The following TRIB2 variants were observed in gnomAD, a reference collection of about 807,000 sequenced individuals.
TRIB2 encodes the protein tribbles pseudokinase 2, also known as tribbles homolog 2.
A neutral mutation model predicts 26.8 loss-of-function variants in TRIB2; 2 were observed. That is an observed-to-expected ratio of 0.07 (90% CI 0.03 to 0.24). The LOEUF (loss-of-function observed/expected upper bound fraction) is 0.24. TRIB2 is among the 10% of genes least tolerant of loss of function. The pLI is 1.00. For missense variants in TRIB2, 306 were observed against 449.0 expected, an observed-to-expected ratio of 0.68 and a Z score of 2.88; for synonymous variants, 189 against 187.3, an observed-to-expected ratio of 1.01 and a Z score of -0.08.
At chr2:12,726,964 G>A (rs555743797) in intron 2 of TRIB2, among the ~76,000 whole-genome samples, 35 of 152,296 alleles carry the variant, frequency 2.3e-4, no homozygotes, top group African/African-American at 6.0e-4. Flanking sequence ...AACTGCCAGC[G>A]CCTTCAGTCC....
In TRIB2 at chr2:12,737,951, A is replaced by G. The variant is rs562166994; in HGVS notation, c.564-2375A>G. On this transcript the variant is annotated intron_variant, in intron 2 of 2. Coordinates refer to ENST00000155926, the MANE Select transcript of TRIB2 (RefSeq NM_021643.4). ...GCCATAGCCACACAGCAGGTGAGAG[A>G]CAGAGCCTAGCCTGGAAACTGCCTT... 9.9e-5 allele frequency among the ~76,000 whole-genome samples: 15 copies of G among 152,280 alleles called. 1 individual carries two copies. The highest frequency in any genetic ancestry group is 3.6e-4 in the African/African-American group (15 of 41,552).
chr2:12,724,851 T>A (rs1415218518), intron 2 of TRIB2: 1 of 1,605,156 alleles, frequency 6.2e-7, no homozygotes, highest in African/African-American at 1.3e-5. Flanking sequence ...GATGAATATA[T>A]GTTGACCCCC....
chr2:12,723,661 G>C, intron 2 of TRIB2, 109 bp downstream of exon 2: 1 of 1,335,136 alleles, frequency 7.5e-7, no homozygotes, highest in Non-Finnish European at 1.0e-6. Flanking sequence ...GTCCAGATGA[G>C]GGGAAGGAAT....
intron 1 of TRIB2, among the ~76,000 whole-genome samples, chr2:12,720,515 G>A (rs568350160): frequency 5.3e-5 from 8 of 152,270 alleles, no homozygotes; most frequent in African/African-American, 1.9e-4. Flanking sequence ...AGTTTTATAA[G>A]GCTGCTTCTC....
Position 12,717,032 on chromosome 2 carries a change from C to T in TRIB2, c.-1276C>T, listed in dbSNP as rs1000265700. 3.5e-5 allele frequency: 7 copies of T among 202,382 alleles called. No individual in the cohort carries two copies. The highest frequency in any genetic ancestry group is 2.4e-4 in the Admixed American group (4 of 16,714). 12.5% of individuals were successfully genotyped at this position (202,382 alleles called of 1,614,324 possible). A position where few individuals can be genotyped will look rare whatever the true frequency, so the allele number is the denominator to read the frequency against. On this transcript the variant is annotated 5_prime_UTR_variant, in exon 1 of 3. Coordinates refer to ENST00000155926, the MANE Select transcript of TRIB2 (RefSeq NM_021643.4). The surrounding 1 kb of genome is among the most constrained non-coding windows in gnomAD (Gnocchi z 4.8). ...CCACGTAAGTAACTATTAATACCGC[C>T]TCGCCGGGGGATGCGGGCGTGCTGA...
Position 12,723,457 on chromosome 2 carries a change from C to T in TRIB2, c.468C>T (p.Phe156=). 6.2e-7 allele frequency: 1 copy of T among 1,614,242 alleles called. No individual in the cohort carries two copies. The highest frequency in any genetic ancestry group is 8.5e-7 in the Non-Finnish European group (1 of 1,180,044). ...GAGAGGAGGAGGCAGCCAGACTGTT[C>T]TACCAGATTGCCTCGGCAGTGGCCC... The part of the protein sequence containing the change: ...KLREEEAARL[F]YQIASAVAHC... The change falls in exon 2 of 3, where the codon TTC becomes TTT. Residue 156 remains phenylalanine, a synonymous_variant. Transcript: ENST00000155926.
chr2:12,720,500 AAG>A (rs1661184485), intron 1 of TRIB2, among the ~76,000 whole-genome samples: 1 of 152,214 alleles, frequency 6.6e-6, no homozygotes, highest in African/African-American at 2.4e-5. Flanking sequence ...AAGAAGCTCC[AAG>A]AGAGTTTTAT....
Position 12,740,564 on chromosome 2 carries a change from C to T in TRIB2, c.802C>T (p.Arg268Cys), listed in dbSNP as rs1223287846. 5.0e-6 allele frequency: 8 copies of T among 1,614,050 alleles called. No individual in the cohort carries two copies. Among genetic ancestry groups the T allele is most frequent in the Non-Finnish European group, 5.9e-6 (7 of 1,180,040 alleles). ...EPSSLFSKIR[R>C]GQFNIPETLS... The stretch of plus-strand genomic sequence containing the variant: ...CAGCTCCCTCTTCAGCAAGATCCGG[C>T]GTGGCCAGTTCAACATTCCAGAGAC... The change falls in exon 3 of 3, where the codon CGT becomes TGT. Residue 268 changes from arginine to cysteine, a missense_variant. Transcript: ENST00000155926. This position sits in a 1 kb window ranked among gnomAD's most constrained non-coding sequence, Gnocchi z 5.8.
rs190444542 is a variant in TRIB2, at chr2:12,726,672, C to G, written c.563+3120C>G. ...TCTCACCTTTTGGGCATTGGTCCCA[C>G]GGTGAAAAAGCAAAGAAGCAAATTT... On this transcript the variant is annotated intron_variant, in intron 2 of 2. Coordinates refer to ENST00000155926, the MANE Select transcript of TRIB2 (RefSeq NM_021643.4). 7.9e-5 allele frequency among the ~76,000 whole-genome samples: 12 copies of G among 152,342 alleles called. No individual in the cohort carries two copies. The East Asian group carries it at 2.3e-3, about 29-fold the overall frequency.
chr2:12,724,374 A>G (rs1161589890), intron 2 of TRIB2, among the ~76,000 whole-genome samples: 1 of 152,214 alleles, frequency 6.6e-6, no homozygotes, highest in Non-Finnish European at 1.5e-5. Flanking sequence ...TTTCTCTCCC[A>G]GCCGATTTTG....
Position 12,718,382 on chromosome 2 carries a change from A to G in TRIB2, c.75A>G (p.Glu25=), listed in dbSNP as rs762116241. Residue 25 remains glutamate (E), a synonymous_variant, in exon 1 of 3, where the codon GAA becomes GAG. Coordinates refer to ENST00000155926, the MANE Select transcript of TRIB2 (RefSeq NM_021643.4). The surrounding 1 kb of genome is among the most constrained non-coding windows in gnomAD (Gnocchi z 4.0). Reference sequence around the variant, plus strand: ...CGCGGAACAAAACCCAGGATTTCGAAGAGTTGTCGTCTATAAGGTCCGCGG... The same window carrying G: ...CGCGGAACAAAACCCAGGATTTCGAGGAGTTGTCGTCTATAAGGTCCGCGG... ...GRSRNKTQDF[E]ELSSIRSAEP... is the part of the protein sequence containing the mutation. 1.2e-6 allele frequency: 2 copies of G among 1,614,084 alleles called. No homozygotes were observed. Among genetic ancestry groups the G allele is most frequent in the Non-Finnish European group, 1.7e-6 (2 of 1,180,036 alleles).
chr2:12,726,895 C>T (rs974100031), intron 2 of TRIB2, among the ~76,000 whole-genome samples: 4 of 152,180 alleles, frequency 2.6e-5, no homozygotes, highest in Non-Finnish European at 5.9e-5. Flanking sequence ...CCTAAAGTTT[C>T]GATTGTGTGC....
At chr2:12,724,550 T>C in intron 2 of TRIB2, 1 of 1,541,718 alleles carries the variant, frequency 6.5e-7, no homozygotes, top group Admixed American at 2.0e-5. Flanking sequence ...TGCCTTTACC[T>C]TTATTAACAA....
At position 12,723,402 on chromosome 2, in the gene TRIB2, A is replaced by G; in HGVS notation, c.413A>G (p.His138Arg). The change falls in exon 2 of 3, where the codon CAT becomes CGT. Residue 138 changes from histidine (H) to arginine (R), a missense_variant. His to Arg is a conservative substitution (Grantham distance 29). Around this residue, in one of 4 missense-constraint regions of TRIB2, gnomAD observed 118 missense variants for 188.8 expected, o/e 0.63. Coordinates refer to ENST00000155926, the MANE Select transcript of TRIB2 (RefSeq NM_021643.4). ...VFFERSYGDMHSFVRTCKKLR... is the reference protein window; with the variant it reads ...VFFERSYGDMRSFVRTCKKLR... ...TTTGAGCGAAGCTATGGGGACATGC[A>G]TTCCTTCGTCCGCACCTGCAAGAAG... 6.2e-7 allele frequency: 1 copy of G among 1,614,218 alleles called. No homozygotes were observed. The highest frequency in any genetic ancestry group is 8.5e-7 in the Non-Finnish European group (1 of 1,180,042).
chr2:12,730,529 T>C (rs1661431561), intron 2 of TRIB2, among the ~76,000 whole-genome samples: 1 of 152,216 alleles, frequency 6.6e-6, no homozygotes, highest in African/African-American at 2.4e-5. Flanking sequence ...TCCTGAGCAG[T>C]CATGGATTGG....
At chr2:12,738,422 G>C (rs555889797) in intron 2 of TRIB2, among the ~76,000 whole-genome samples, 10 of 152,128 alleles carry the variant, frequency 6.6e-5, no homozygotes, top group Admixed American at 6.6e-4. Flanking sequence ...AAGGAAATAC[G>C]TGATGTGAGT....
intron 1 of TRIB2, among the ~76,000 whole-genome samples, chr2:12,720,097 G>C (rs1016584893): frequency 6.6e-6 from 1 of 152,184 alleles, no homozygotes; most frequent in Non-Finnish European, 1.5e-5. Context: ...TTTTTCAAAG[G>C]CTGGAGATGC....
chr2:12,739,697 G>A (rs1456603007), intron 2 of TRIB2, among the ~76,000 whole-genome samples: 1 of 152,240 alleles, frequency 6.6e-6, no homozygotes, highest in Admixed American at 6.5e-5. Flanking sequence ...TTAGGAAGAT[G>A]TGGGATCAAG....
chr2:12,718,716 C>A lies in TRIB2; in HGVS notation c.270+139C>A. On this transcript the variant is annotated intron_variant, in intron 1 of 2. Coordinates refer to ENST00000155926, the MANE Select transcript of TRIB2 (RefSeq NM_021643.4). This position sits in a 1 kb window ranked among gnomAD's most constrained non-coding sequence, Gnocchi z 4.0. ...TTAAATGGGTTTATTTATTTATTTGCTCAGGTTCGGTAAGTTGCGAAGTTT... is the reference window on the plus strand; with the variant it reads ...TTAAATGGGTTTATTTATTTATTTGATCAGGTTCGGTAAGTTGCGAAGTTT... 1 of 1,254,144 alleles carries A rather than the reference C, an allele frequency of 8.0e-7. No individual in the cohort carries two copies. Among genetic ancestry groups the A allele is most frequent in the Non-Finnish European group, 1.1e-6 (1 of 926,396 alleles). The allele number at this position is 1,254,144 out of a possible 1,614,324, so 77.7% of individuals were successfully genotyped here. A position where few individuals can be genotyped will look rare whatever the true frequency, so the allele number is the denominator to read the frequency against.
Sources: allele counts gnomAD v4.1 joint callset (sites outside exome capture counted in the v4.1 genomes callset), GRCh38; gene constraint gnomAD v4.1.1; regional missense constraint gnomAD v4.1.1; non-coding constraint Gnocchi (gnomAD v3.1); transcripts MANE v1.5; gene names NCBI Gene and HGNC (gene_info 2026-07-23, HGNC 2026-07-21).